Variants in EFCAB6 observed in about 807,000 individuals in gnomAD.
EFCAB6 encodes EF-hand calcium binding domain 6.
In EFCAB6, 156 loss-of-function variants were observed where a neutral mutation model predicts 169.8. The ratio of observed to expected loss-of-function variants is 0.92; its 90% CI spans 0.81 to 1.05. The LOEUF is 1.05. Among genes scored for constraint, EFCAB6 ranks in the 50% least tolerant of loss-of-function variants. The probability of loss-of-function intolerance (pLI) is 0.00; values close to 1 mark genes in which losing one functional copy is unlikely to be tolerated. For missense variants in EFCAB6, 1,800 were observed against 1,829.1 expected, an observed-to-expected ratio of 0.98 and a Z score of 0.29; for synonymous variants, 698 against 676.4, an observed-to-expected ratio of 1.03 and a Z score of -0.50.
intron 23 of EFCAB6, among the ~76,000 whole-genome samples, chr22:43,596,839 G>A (rs1031893113): frequency 6.6e-6 from 1 of 152,144 alleles, no homozygotes; most frequent in African/African-American, 2.4e-5. Flanking sequence ...CACGCTACCT[G>A]ATTTCAAATT....
chr22:43,529,083 A>G lies in EFCAB6; in HGVS notation c.4384-108T>C, dbSNP rs1602056837. 4.7e-6 allele frequency: 6 copies of G among 1,276,220 alleles called. No individual in the cohort carries two copies. The East Asian group carries it at 9.7e-5, about 21-fold the overall frequency. 79.1% of individuals were successfully genotyped at this position (1,276,220 alleles called of 1,614,324 possible). A position where few individuals can be genotyped will look rare whatever the true frequency, so the allele number is the denominator to read the frequency against. Reference sequence around the variant, plus strand: ...ACACATCCACCTGATCCCCAACCCCACTTCCGATGTCAGCCTCCCATCTGT... The same window carrying G: ...ACACATCCACCTGATCCCCAACCCCGCTTCCGATGTCAGCCTCCCATCTGT... On this transcript the variant is annotated intron_variant, in intron 31 of 31. Transcript: ENST00000262726.
chr22:43,608,205 A>T (rs754273768), intron 22 of EFCAB6, among the ~76,000 whole-genome samples: 23 of 152,198 alleles, frequency 1.5e-4, no homozygotes, highest in Non-Finnish European at 3.2e-4. Context: ...TTGAGCTCCC[A>T]GGTCCTTGGA....
chr22:43,633,644 G>T (rs1191822733), intron 18 of EFCAB6, among the ~76,000 whole-genome samples: 1 of 152,212 alleles, frequency 6.6e-6, no homozygotes, highest in Non-Finnish European at 1.5e-5. Context: ...GTGACCTTGT[G>T]TCAAAGCCAG....
intron 17 of EFCAB6, among the ~76,000 whole-genome samples, chr22:43,666,330 A>C (rs1368673640): frequency 6.6e-6 from 1 of 152,140 alleles, no homozygotes; most frequent in East Asian, 1.9e-4. Flanking sequence ...ATGATGCTGC[A>C]TTCTGGAGGC....
At chr22:43,696,952 T>C (rs2058597730) in intron 10 of EFCAB6, among the ~76,000 whole-genome samples, 1 of 152,176 alleles carries the variant, frequency 6.6e-6, no homozygotes, top group Non-Finnish European at 1.5e-5. Context: ...TCTATAAAGC[T>C]AGGACCAAAA....
chr22:43,536,975 C>A (rs571232479), intron 29 of EFCAB6: 4 of 160,520 alleles, frequency 2.5e-5, no homozygotes, highest in Non-Finnish European at 5.4e-5. Flanking sequence ...TGCTGAAAAA[C>A]GAAACAACAT....
chr22:43,666,990 C>G, intron 17 of EFCAB6, 114 bp downstream of exon 17: 1 of 1,282,444 alleles, frequency 7.8e-7, no homozygotes, highest in Non-Finnish European at 1.0e-6. Flanking sequence ...TGAAAGATGC[C>G]TAGAAATGGA....
At chr22:43,547,237 T>C (rs553744893) in intron 27 of EFCAB6, among the ~76,000 whole-genome samples, 1 of 152,228 alleles carries the variant, frequency 6.6e-6, no homozygotes, top group East Asian at 1.9e-4. Context: ...GGGAAATCAG[T>C]AGGGCCGGGA....
chr22:43,577,979 A>T (rs1050587668), intron 25 of EFCAB6, among the ~76,000 whole-genome samples: 2 of 152,084 alleles, frequency 1.3e-5, no homozygotes, highest in Admixed American at 6.5e-5. Context: ...ACTAGCCTTG[A>T]TTTCTTCAAA....
rs1368486314 is a variant in EFCAB6 at position 43,600,200 on chromosome 22, G to C, written c.2745C>G (p.Asn915Lys). The C allele has an allele frequency of 6.2e-6, 10 of 1,614,064 alleles. No individual in the cohort carries two copies. Among genetic ancestry groups the C allele is most frequent in the Non-Finnish European group, 8.5e-6 (10 of 1,180,036 alleles). The change falls in exon 23 of 32, where the codon AAC (asparagine) becomes AAG (lysine). Residue 915 changes from asparagine to lysine, a missense_variant. By Grantham distance (94) the Asn-to-Lys change is moderately conservative. Transcript: ENST00000262726. ...AGGGCCGATGGACAGCAGGCGAATAGTTAATACCCAATTTCTGTAAAAATT... is the reference window on the plus strand; with the variant it reads ...AGGGCCGATGGACAGCAGGCGAATACTTAATACCCAATTTCTGTAAAAATT... ...YQEFLQKLGI[N>K]YSPAVHRPCA...
At chr22:43,544,435 C>T (rs2047924660) in intron 27 of EFCAB6, among the ~76,000 whole-genome samples, 2 of 152,174 alleles carry the variant, frequency 1.3e-5, no homozygotes, top group Non-Finnish European at 2.9e-5. Context: ...CCATTTTTCT[C>T]TGTAGCAGAC....
chr22:43,808,852 G>T (rs1331281173), intron 2 of EFCAB6, 143 bp downstream of exon 2: 1 of 152,210 alleles, frequency 6.6e-6, no homozygotes, highest in Non-Finnish European at 1.5e-5. Flanking sequence ...TTAGGCAGGG[G>T]TTGGCATATG....
chr22:43,697,369 T>G (rs1163559547), intron 10 of EFCAB6, among the ~76,000 whole-genome samples: 1 of 152,230 alleles, frequency 6.6e-6, no homozygotes, highest in Non-Finnish European at 1.5e-5. Flanking sequence ...GAATGTAATC[T>G]ATACCTCATA....
intron 24 of EFCAB6, among the ~76,000 whole-genome samples, chr22:43,582,643 T>C (rs1035125903): frequency 6.6e-6 from 1 of 151,944 alleles, no homozygotes; most frequent in East Asian, 1.9e-4. Context: ...GGATCCAACC[T>C]AGATAATAGT....
intron 27 of EFCAB6, among the ~76,000 whole-genome samples, chr22:43,545,928 A>G (rs1332121505): frequency 6.6e-6 from 1 of 152,212 alleles, no homozygotes; most frequent in African/African-American, 2.4e-5. Context: ...AAGCTCTTTC[A>G]TGAAATAAAA....
intron 17 of EFCAB6, among the ~76,000 whole-genome samples, chr22:43,652,595 C>T (rs2056526646): frequency 6.6e-6 from 1 of 152,060 alleles, no homozygotes; most frequent in South Asian, 2.1e-4. Context: ...TCCACCAGTC[C>T]CTTACTGGAC....
intron 5 of EFCAB6, chr22:43,759,967 G>C (rs1412017318): frequency 6.6e-6 from 1 of 152,212 alleles, no homozygotes; most frequent in African/African-American, 2.4e-5. Context: ...CACTTTGGGA[G>C]GCTGAGGTGG....
rs144609317 is a variant in EFCAB6 at position 43,636,190 on chromosome 22, T to C, written c.1984-974A>G. On this transcript the variant is annotated intron_variant, in intron 17 of 31. Coordinates refer to ENST00000262726, the MANE Select transcript of EFCAB6 (RefSeq NM_022785.4). ...TAGGAGAACTGGGTTTGCCGATGGG[T>C]TGTGAAGAAAGTGTGTTGAGGGGTG... is the stretch of plus-strand genomic sequence containing the variant. Among the ~76,000 whole-genome samples, 434 of 152,042 alleles carry C rather than the reference T, an allele frequency of 2.9e-3. 2 individuals carry two copies. The highest frequency in any genetic ancestry group is 0.027 in the Middle Eastern group (8 of 292).
intron 6 of EFCAB6, among the ~76,000 whole-genome samples, chr22:43,736,628 TA>T (rs1251273469): frequency 1.3e-5 from 2 of 152,062 alleles, no homozygotes; most frequent in Non-Finnish European, 2.9e-5. Context: ...CCAGGATATT[TA>T]TTGGGCTCAC....
Sources: gnomAD v4.1 joint callset for allele counts (sites outside exome capture counted in the v4.1 genomes callset) on GRCh38, gnomAD v4.1.1 for gene constraint, MANE v1.5 for transcripts, NCBI Gene and HGNC (gene_info 2026-07-23, HGNC 2026-07-21) for gene names.